The following AKAP6 variants were observed in gnomAD, a reference collection of about 807,000 sequenced individuals.
The protein encoded by AKAP6 is A-kinase anchoring protein 6, also known as A-kinase anchor protein 6.
AKAP6 carries 58 observed loss-of-function variants against 188.5 expected under a neutral mutation model. The ratio of observed to expected loss-of-function variants is 0.31; its 90% CI spans 0.25 to 0.38. AKAP6 has a LOEUF of 0.38. AKAP6 is among the 10% of genes least tolerant of loss of function. AKAP6 has a pLI of 1.00. For synonymous variants in AKAP6, 989 were observed against 998.6 expected (o/e 0.99, Z 0.18); for missense variants, 2,710 against 2,740.0 (o/e 0.99, Z 0.24).
intron 1 of AKAP6, among the ~76,000 whole-genome samples, chr14:32,431,430 G>A (rs956327123): frequency 6.6e-6 from 1 of 152,174 alleles, no homozygotes; most frequent in Admixed American, 6.5e-5. Flanking sequence ...AGGTATCAAA[G>A]TGATAAACCT....
At chr14:32,424,740 G>A (rs1297789292) in intron 1 of AKAP6, among the ~76,000 whole-genome samples, 1 of 152,106 alleles carries the variant, frequency 6.6e-6, no homozygotes, top group Non-Finnish European at 1.5e-5. Flanking sequence ...ACTTATAAGT[G>A]AGAACATGCA....
intron 5 of AKAP6, among the ~76,000 whole-genome samples, chr14:32,597,918 C>T (rs1400671357): frequency 6.6e-6 from 1 of 152,114 alleles, no homozygotes; most frequent in Non-Finnish European, 1.5e-5. Flanking sequence ...GATCCATTTT[C>T]TCTGCTAAGA....
intron 1 of AKAP6, among the ~76,000 whole-genome samples, chr14:32,372,257 A>C (rs1243648050): frequency 6.6e-6 from 1 of 152,136 alleles, no homozygotes; most frequent in East Asian, 1.9e-4. Flanking sequence ...TTATTAATGT[A>C]ACATTTTTTT....
chr14:32,700,811 G>A (rs1890590453), intron 9 of AKAP6, among the ~76,000 whole-genome samples: 1 of 152,152 alleles, frequency 6.6e-6, no homozygotes, highest in South Asian at 2.1e-4. Flanking sequence ...CTGCTTGAAT[G>A]GAGACCAGAA....
At chr14:32,518,685 T>C (rs901671671) in intron 2 of AKAP6, among the ~76,000 whole-genome samples, 3 of 152,070 alleles carry the variant, frequency 2.0e-5, no homozygotes, top group African/African-American at 7.2e-5. Context: ...CCAAGAAATA[T>C]GGGACTATGT....
chr14:32,387,610 TTTG>T (rs1888575400), intron 1 of AKAP6, among the ~76,000 whole-genome samples: 1 of 151,282 alleles, frequency 6.6e-6, no homozygotes, highest in South Asian at 2.1e-4. Flanking sequence ...TCATGTGATT[TTTG>T]TTTTTAATTC....
intron 2 of AKAP6, among the ~76,000 whole-genome samples, chr14:32,500,475 A>G (rs1188019065): frequency 1.3e-5 from 2 of 152,180 alleles, no homozygotes; most frequent in African/African-American, 4.8e-5. Flanking sequence ...CGCTGAGCAT[A>G]CTTCCCCAGA....
intron 12 of AKAP6, among the ~76,000 whole-genome samples, chr14:32,776,994 G>A (rs2033088009): frequency 6.6e-6 from 1 of 152,128 alleles, no homozygotes; most frequent in Non-Finnish European, 1.5e-5. Flanking sequence ...AACACTCCCT[G>A]GAGCTTGCAC....
At chr14:32,340,019 C>G (rs1305805816) in intron 1 of AKAP6, among the ~76,000 whole-genome samples, 1 of 150,284 alleles carries the variant, frequency 6.7e-6, no homozygotes, top group Non-Finnish European at 1.5e-5. Context: ...TTGACAGTAT[C>G]CTATTTTTAG....
rs775277169 is a variant in AKAP6 at position 32,463,096 on chromosome 14, T to TAA, written c.324+29282_324+29283dup. Among the ~76,000 whole-genome samples, 10 of 152,112 alleles carry TAA rather than the reference T, an allele frequency of 6.6e-5. No individual in the cohort carries two copies. In the East Asian group the frequency reaches 1.7e-3, roughly 26 times the overall value. ...CCCAATACAGCAGCACCCAGATTTA[T>TAA]AAAACAAGTTTTTAGAGACTGACAA... is the stretch of plus-strand genomic sequence containing the variant. On this transcript the variant is annotated intron_variant, in intron 2 of 13. Transcript: ENST00000280979.
chr14:32,714,363 A>G (rs2030065730), intron 9 of AKAP6, among the ~76,000 whole-genome samples: 1 of 152,202 alleles, frequency 6.6e-6, no homozygotes, highest in African/African-American at 2.4e-5. Context: ...TGCTTGACAC[A>G]GGGTTGTCAC....
At chr14:32,590,374 G>A (rs768914590) in intron 5 of AKAP6, among the ~76,000 whole-genome samples, 7 of 152,114 alleles carry the variant, frequency 4.6e-5, no homozygotes, top group Non-Finnish European at 7.3e-5. Flanking sequence ...GTGGCTCACA[G>A]TGGTTGCAGT....
chr14:32,531,834 A>C (rs550240156), intron 2 of AKAP6, among the ~76,000 whole-genome samples: 1 of 152,336 alleles, frequency 6.6e-6, no homozygotes, highest in South Asian at 2.1e-4. Context: ...CTTTTTAAAA[A>C]ACTGCTGCAT....
intron 11 of AKAP6, among the ~76,000 whole-genome samples, chr14:32,771,515 A>G (rs182070838): frequency 2.3e-4 from 35 of 152,270 alleles, no homozygotes; most frequent in Admixed American, 1.2e-3. Context: ...AGATACTTAC[A>G]AAAAAATTTA....
At chr14:32,746,536 T>A (rs777493916) in intron 11 of AKAP6, among the ~76,000 whole-genome samples, 2 of 152,150 alleles carry the variant, frequency 1.3e-5, no homozygotes, top group Non-Finnish European at 2.9e-5. Flanking sequence ...GTTGAGCTGG[T>A]ATCTGAGATG....
chr14:32,794,165 G>A (rs974368433), intron 12 of AKAP6, among the ~76,000 whole-genome samples: 1 of 152,090 alleles, frequency 6.6e-6, no homozygotes, highest in Non-Finnish European at 1.5e-5. Context: ...CAGACCCACA[G>A]CACTGTCAAA....
intron 5 of AKAP6, among the ~76,000 whole-genome samples, chr14:32,585,490 A>ATG (rs1374384532): frequency 2.8e-5 from 3 of 108,326 alleles, no homozygotes; most frequent in East Asian, 8.2e-4. Context: ...TGAACTATAT[A>ATG]TATGTGTGTG....
chr14:32,394,502 G>A (rs1361319056), intron 1 of AKAP6, among the ~76,000 whole-genome samples: 5 of 152,178 alleles, frequency 3.3e-5, no homozygotes, highest in Admixed American at 1.3e-4. Flanking sequence ...AATAAAAAAT[G>A]TGGGGATGCC....
At chr14:32,365,609 T>C (rs1887807178) in intron 1 of AKAP6, among the ~76,000 whole-genome samples, 1 of 152,124 alleles carries the variant, frequency 6.6e-6, no homozygotes, top group South Asian at 2.1e-4. Flanking sequence ...TAATCTCCCA[T>C]GGGTGCCACT....
Sources: gnomAD v4.1 joint callset for allele counts (sites outside exome capture counted in the v4.1 genomes callset) on GRCh38, gnomAD v4.1.1 for gene constraint, MANE v1.5 for transcripts, NCBI Gene and HGNC (gene_info 2026-07-23, HGNC 2026-07-21) for gene names.